Variants in F11R observed in about 807,000 individuals in gnomAD.
The protein encoded by F11R is F11 receptor.
A neutral mutation model predicts 39.3 loss-of-function variants in F11R; 27 were observed. The observed-to-expected ratio is 0.69, with a 90% CI of 0.51 to 0.95. F11R has a LOEUF of 0.95. Ranked by LOEUF, F11R falls within the 40% of genes least tolerant of loss-of-function variation. F11R has a pLI of 0.00. For missense variants in F11R, 335 were observed against 372.7 expected, an observed-to-expected ratio of 0.90 and a Z score of 0.83; for synonymous variants, 131 against 144.9, an observed-to-expected ratio of 0.90 and a Z score of 0.69.
chr1:161,003,554 C>A (rs150896937), intron 1 of F11R, among the ~76,000 whole-genome samples: 8 of 151,928 alleles, frequency 5.3e-5, no homozygotes, highest in African/African-American at 1.5e-4. Flanking sequence ...TGAGCCACGG[C>A]GACCGGCCTA....
intron 1 of F11R, among the ~76,000 whole-genome samples, chr1:161,018,164 T>C (rs1649566725): frequency 6.6e-6 from 1 of 152,316 alleles, no homozygotes; most frequent in Admixed American, 6.5e-5. Flanking sequence ...AGTTTTACTT[T>C]TCCCAAGTCC....
intron 1 of F11R, among the ~76,000 whole-genome samples, chr1:161,011,561 TC>T (rs1649161589): frequency 6.6e-6 from 1 of 151,888 alleles, no homozygotes; most frequent in African/African-American, 2.4e-5. Context: ...AAACCCCATC[TC>T]TACTAAAAAT....
chr1:161,010,379 G>A (rs1318651756), intron 1 of F11R, among the ~76,000 whole-genome samples: 1 of 141,796 alleles, frequency 7.1e-6, no homozygotes, highest in Non-Finnish European at 1.5e-5. Context: ...GAGAGGGGGA[G>A]GTTGCATTGA....
intron 1 of F11R, among the ~76,000 whole-genome samples, chr1:161,007,430 A>G (rs1571014551): frequency 6.6e-6 from 1 of 151,470 alleles, no homozygotes; most frequent in Non-Finnish European, 1.5e-5. Context: ...GTGCCATTGC[A>G]CTCCAGCCTG....
intron 1 of F11R, among the ~76,000 whole-genome samples, chr1:161,015,202 C>T (rs1215156962): frequency 1.3e-5 from 2 of 151,560 alleles, no homozygotes; most frequent in Non-Finnish European, 2.9e-5. Flanking sequence ...CGAGACCATC[C>T]TGGCTAACAC....
rs1205991587 is a variant in F11R, at chr1:160,995,556, A to T, written c.*3315T>A. ...ATCATGAGGTCAAGGGATCGAGATCATCCTGGCCAACATGGTGAAACCCCG... is the reference window on the plus strand; with the variant it reads ...ATCATGAGGTCAAGGGATCGAGATCTTCCTGGCCAACATGGTGAAACCCCG... On this transcript the variant is annotated 3_prime_UTR_variant, in exon 10 of 10. Transcript: ENST00000368026. 1.3e-5 allele frequency: 2 copies of T among 152,286 alleles called. No individual in the cohort carries two copies. The highest frequency in any genetic ancestry group is 4.8e-5 in the African/African-American group (2 of 41,448). 9.4% of individuals were successfully genotyped at this position (152,286 alleles called of 1,614,324 possible).
chr1:161,000,378 G>C (rs1403092713), intron 4 of F11R, 30 bp from the exon 5 acceptor site: 2 of 1,606,870 alleles, frequency 1.2e-6, no homozygotes, highest in Non-Finnish European at 8.5e-7. Context: ...AAGGTGCTGA[G>C]TACAGGGTGG....
Position 161,001,342 on chromosome 1 carries a change from A to G in F11R, c.76T>C (p.Leu26=). 6.2e-7 allele frequency: 1 copy of G among 1,613,944 alleles called. No homozygotes were observed. Among genetic ancestry groups the G allele is most frequent in the Non-Finnish European group, 8.5e-7 (1 of 1,179,892 alleles). Residue 26 remains leucine, a synonymous_variant, in exon 2 of 10, where the codon TTG becomes CTG. Coordinates refer to ENST00000368026, the MANE Select transcript of F11R (RefSeq NM_016946.6). ...GAAGAGTGCACTGTAACACTGCCCA[A>G]TGCCAGGGAGCCTAAGGAGAAAGAA... ...ILAILLCSLA[L]GSVTVHSSEP... is the part of the protein sequence containing the mutation.
rs150177570 is a variant in F11R at position 160,999,406 on chromosome 1, T to C, written c.805A>G (p.Thr269Ala). Residue 269 changes from threonine (T) to alanine (A), a missense_variant and splice_region_variant, in exon 8 of 10, where the codon ACA becomes GCA. Thr to Ala is a moderately conservative substitution (Grantham distance 58, BLOSUM62 0). Transcript: ENST00000368026. ...FAYSRGHFDR[T>A]KKGTSSKKVI... ...CAGCACCTCACTCACCCTTTCTTTG[T>C]TCCTGAAAGAGAAGAAATGGGATCA... The C allele has an allele frequency of 2.8e-5, 45 of 1,614,088 alleles. No individual in the cohort carries two copies. Among genetic ancestry groups the C allele is most frequent in the Non-Finnish European group, 3.6e-5 (42 of 1,180,040 alleles).
At chr1:161,010,001 G>T (rs1649038085) in intron 1 of F11R, among the ~76,000 whole-genome samples, 1 of 151,462 alleles carries the variant, frequency 6.6e-6, no homozygotes, top group South Asian at 2.1e-4. Context: ...ATGGCATAAT[G>T]GTAGAAGTGG....
intron 1 of F11R, among the ~76,000 whole-genome samples, chr1:161,015,126 G>C (rs1316856487): frequency 1.3e-5 from 2 of 150,150 alleles, no homozygotes; most frequent in Non-Finnish European, 3.0e-5. Context: ...GCTGGGCACA[G>C]TGGCTCATGC....
At chr1:161,006,046 G>A (rs959259291) in intron 1 of F11R, among the ~76,000 whole-genome samples, 1 of 151,758 alleles carries the variant, frequency 6.6e-6, no homozygotes, top group Non-Finnish European at 1.5e-5. Context: ...GCTGAGGCAG[G>A]ACAATCACTT....
chr1:161,008,320 C>T (rs1648939991), intron 1 of F11R, among the ~76,000 whole-genome samples: 1 of 151,906 alleles, frequency 6.6e-6, no homozygotes. Context: ...ACGGTGAAAC[C>T]CCATCTCTAC....
At chr1:161,004,820 A>G (rs1027022077) in intron 1 of F11R, among the ~76,000 whole-genome samples, 7 of 152,124 alleles carry the variant, frequency 4.6e-5, no homozygotes, top group East Asian at 1.9e-4. Flanking sequence ...TTTTATTTAT[A>G]TATTTGCCAT....
rs570253712 is a variant in F11R, at chr1:160,996,330, A to G, written c.*2541T>C. The G allele has an allele frequency of 6.6e-4, 101 of 152,498 alleles. 1 individual carries two copies. Among genetic ancestry groups the G allele is most frequent in the African/African-American group, 2.3e-3 (97 of 41,588 alleles). 9.4% of individuals were successfully genotyped at this position (152,498 alleles called of 1,614,324 possible). A position where few individuals can be genotyped will look rare whatever the true frequency, so the allele number is the denominator to read the frequency against. On this transcript the variant is annotated 3_prime_UTR_variant, in exon 10 of 10. Coordinates refer to ENST00000368026, the MANE Select transcript of F11R (RefSeq NM_016946.6). ...CCAAGGCTGGCAATAACTGACTCAT[A>G]TTCTTCACAAGTGGCCTAGACAATA...
chr1:161,001,235 C>T (rs771691548), intron 2 of F11R, 50 bp downstream of exon 2: 15 of 1,603,494 alleles, frequency 9.4e-6, no homozygotes, highest in Admixed American at 1.7e-5. Context: ...GATCCCCAGG[C>T]GGCCGGCAAC....
intron 1 of F11R, among the ~76,000 whole-genome samples, chr1:161,004,880 G>A (rs1005596939): frequency 1.3e-5 from 2 of 151,894 alleles, no homozygotes; most frequent in African/African-American, 4.8e-5. Flanking sequence ...AGATATGGAG[G>A]CTGAGCACGG....
In F11R at chr1:161,011,221, C is replaced by T. The variant is rs986279197; in HGVS notation, c.64+9789G>A. On this transcript the variant is annotated intron_variant, in intron 1 of 9. Coordinates refer to ENST00000368026, the MANE Select transcript of F11R (RefSeq NM_016946.6). Reference sequence around the variant, plus strand: ...CTAATTTTTGTACTTTTGATAGACACGGGGTTTCACCACATTGGCCAGGCT... The same window carrying T: ...CTAATTTTTGTACTTTTGATAGACATGGGGTTTCACCACATTGGCCAGGCT... 2.6e-5 allele frequency among the ~76,000 whole-genome samples: 4 copies of T among 151,540 alleles called. No homozygotes were observed. In the South Asian group the frequency reaches 6.3e-4, roughly 24 times the overall value.
In F11R at chr1:161,021,047, C is replaced by T. The variant is rs765988761; in HGVS notation, c.27G>A (p.Arg9=). The part of the protein sequence containing the change: MGTKAQVE[R]KLLCLFILAI... The stretch of plus-strand genomic sequence containing the variant: ...CCAATATGAAGAGGCACAACAGTTT[C>T]CTCTCGACTTGCGCCTTTGTCCCCA... The change falls in exon 1 of 10, where the codon AGG becomes AGA. Residue 9 remains arginine (R), a synonymous_variant. Transcript: ENST00000368026. 1 of 1,613,992 alleles carries T rather than the reference C, an allele frequency of 6.2e-7. No individual in the cohort carries two copies. Among genetic ancestry groups the T allele is most frequent in the Non-Finnish European group, 8.5e-7 (1 of 1,179,900 alleles).
Sources: gnomAD v4.1 joint callset for allele counts (sites outside exome capture counted in the v4.1 genomes callset) on GRCh38, gnomAD v4.1.1 for gene constraint, MANE v1.5 for transcripts, NCBI Gene and HGNC (gene_info 2026-07-23, HGNC 2026-07-21) for gene names.